The following NBEA variants were observed in gnomAD, a reference collection of about 807,000 sequenced individuals.
The protein encoded by NBEA is lysosomal-trafficking regulator 2.
NBEA carries 44 observed loss-of-function variants against 343.4 expected under a neutral mutation model. The observed-to-expected ratio is 0.13, with a 90% confidence interval of 0.10 to 0.16. The LOEUF is 0.16. NBEA is among the 10% of genes least tolerant of loss of function. The probability of loss-of-function intolerance (pLI) is 1.00; values close to 1 mark genes in which losing one functional copy is unlikely to be tolerated. For missense variants in NBEA, 2,555 were observed against 3,631.3 expected, an observed-to-expected ratio of 0.70 and a Z score of 7.62; for synonymous variants, 1,175 against 1,238.7, an observed-to-expected ratio of 0.95 and a Z score of 1.08.
At chr13:35,504,978 A>G (rs1246409775) in intron 41 of NBEA, among the ~76,000 whole-genome samples, 1 of 152,192 alleles carries the variant, frequency 6.6e-6, no homozygotes, top group Non-Finnish European at 1.5e-5. Context: ...TGCTACGATT[A>G]TCGGAACCTC....
intron 10 of NBEA, among the ~76,000 whole-genome samples, chr13:35,079,418 A>G (rs559607247): frequency 3.3e-5 from 5 of 152,332 alleles, no homozygotes; most frequent in Admixed American, 3.3e-4. Context: ...AACAGGTTAT[A>G]TAACCTAGAG....
At chr13:35,329,095 G>C (rs1295075253) in intron 36 of NBEA, among the ~76,000 whole-genome samples, 1 of 151,898 alleles carries the variant, frequency 6.6e-6, no homozygotes, top group Non-Finnish European at 1.5e-5. Context: ...ATGAAAAAAT[G>C]TTCCACCTTA....
intron 39 of NBEA, 114 bp downstream of exon 39, chr13:35,432,507 C>A: frequency 3.1e-6 from 3 of 971,044 alleles, no homozygotes; most frequent in African/African-American, 1.7e-5. Context: ...TGTCTTGAGT[C>A]AGAAATATTT....
intron 1 of NBEA, among the ~76,000 whole-genome samples, chr13:35,007,256 TC>T (rs1183673319): frequency 6.6e-6 from 1 of 152,192 alleles, no homozygotes; most frequent in East Asian, 1.9e-4. Context: ...ATAGCCCTAT[TC>T]ATTGTATTTC....
rs1388029428 is a variant in NBEA, at chr13:35,420,621, T to C, written c.6180-11648T>C. 5.9e-5 allele frequency among the ~76,000 whole-genome samples: 9 copies of C among 152,162 alleles called. No individual in the cohort carries two copies. In the East Asian group the frequency reaches 1.7e-3, roughly 29 times the overall value. ...TTCTTTAAATGTTTAATAAAATTCT[T>C]CAGTGAAACTATCTAGGCCTGGAGA... On this transcript the variant is annotated intron_variant, in intron 38 of 58. Coordinates refer to ENST00000379939, the MANE Select transcript of NBEA (RefSeq NM_001385012.1).
intron 41 of NBEA, among the ~76,000 whole-genome samples, chr13:35,538,474 C>T (rs2078661759): frequency 6.7e-6 from 1 of 150,196 alleles, no homozygotes; most frequent in Non-Finnish European, 1.5e-5. Context: ...TACATAAGTA[C>T]ATAACAGTAA....
At chr13:35,307,047 T>C (rs1000899173) in intron 35 of NBEA, among the ~76,000 whole-genome samples, 8 of 152,082 alleles carry the variant, frequency 5.3e-5, no homozygotes, top group Non-Finnish European at 1.2e-4. Context: ...TTTCCCCAAA[T>C]GTATTCTTCA....
At chr13:35,006,172 T>G (rs926036300) in intron 1 of NBEA, among the ~76,000 whole-genome samples, 1 of 152,174 alleles carries the variant, frequency 6.6e-6, no homozygotes, top group African/African-American at 2.4e-5. Context: ...GCTTTTTATT[T>G]GTCATGTCGG....
intron 41 of NBEA, among the ~76,000 whole-genome samples, chr13:35,509,568 C>T (rs1391082602): frequency 6.6e-6 from 1 of 152,192 alleles, no homozygotes; most frequent in Non-Finnish European, 1.5e-5. Context: ...TGTATTTGGC[C>T]ACCGGCTTAA....
intron 34 of NBEA, among the ~76,000 whole-genome samples, chr13:35,254,246 T>C (rs1236673738): frequency 1.3e-5 from 2 of 151,792 alleles, no homozygotes; most frequent in Non-Finnish European, 2.9e-5. Flanking sequence ...ATATTCTTAC[T>C]ATAAAATGCT....
chr13:35,105,339 G>T (rs907858572), intron 11 of NBEA, among the ~76,000 whole-genome samples: 1 of 152,000 alleles, frequency 6.6e-6, no homozygotes, highest in Non-Finnish European at 1.5e-5. Flanking sequence ...GCAGCAAAAG[G>T]TTGGAAAAGC....
chr13:35,585,030 G>A (rs1555309779), intron 46 of NBEA, among the ~76,000 whole-genome samples: 1 of 146,990 alleles, frequency 6.8e-6, no homozygotes, highest in Non-Finnish European at 1.5e-5. Flanking sequence ...TTTCTTCTTG[G>A]GCAGCATGTT....
At chr13:35,212,084 T>C (rs912124601) in intron 33 of NBEA, among the ~76,000 whole-genome samples, 1 of 152,036 alleles carries the variant, frequency 6.6e-6, no homozygotes, top group Non-Finnish European at 1.5e-5. Flanking sequence ...AAAAGCTTAT[T>C]GAAAGAATGA....
chr13:35,022,511 G>C (rs1490652863), intron 1 of NBEA, among the ~76,000 whole-genome samples: 1 of 152,026 alleles, frequency 6.6e-6, no homozygotes, highest in Non-Finnish European at 1.5e-5. Context: ...CTGGGGTACA[G>C]GGTCATTAAT....
At chr13:35,038,748 C>T (rs1400974296) in intron 1 of NBEA, among the ~76,000 whole-genome samples, 3 of 152,084 alleles carry the variant, frequency 2.0e-5, no homozygotes, top group Non-Finnish European at 4.4e-5. Flanking sequence ...GCAAGACAAA[C>T]TCCTCCCCAC....
At chr13:35,463,933 G>A (rs2047039195) in intron 40 of NBEA, among the ~76,000 whole-genome samples, 1 of 152,138 alleles carries the variant, frequency 6.6e-6, no homozygotes, top group African/African-American at 2.4e-5. Flanking sequence ...CTGAAAAACA[G>A]TTTAGGATAA....
chr13:34,985,512 G>C (rs112050089), intron 1 of NBEA, among the ~76,000 whole-genome samples: 2,425 of 150,920 alleles, frequency 0.016, 90 homozygotes, highest in African/African-American at 0.05. Context: ...TTTTTGTTGA[G>C]TCTCTGAACA....
chr13:35,191,632 A>G (rs1412113894), intron 30 of NBEA, among the ~76,000 whole-genome samples: 1 of 152,030 alleles, frequency 6.6e-6, no homozygotes, highest in East Asian at 1.9e-4. Flanking sequence ...TATGGATTTA[A>G]TATAAACAAA....
chr13:35,093,001 TA>T (rs1467938707), intron 10 of NBEA, among the ~76,000 whole-genome samples: 2 of 152,014 alleles, frequency 1.3e-5, no homozygotes, highest in African/African-American at 4.8e-5. Context: ...ACTCATCAAC[TA>T]AAAAGAATGG....
Sources: allele counts gnomAD v4.1 joint callset (sites outside exome capture counted in the v4.1 genomes callset), GRCh38; gene constraint gnomAD v4.1.1; transcripts MANE v1.5; gene names NCBI Gene and HGNC (gene_info 2026-07-23, HGNC 2026-07-21).